Variants in NR3C1 observed in about 807,000 individuals in gnomAD.
NR3C1 encodes glucocorticoid receptor.
Under a neutral mutation model 74.0 loss-of-function variants are expected in NR3C1, and 14 were observed. The ratio of observed to expected loss-of-function variants is 0.19; its 90% CI spans 0.12 to 0.30. The LOEUF is 0.30. NR3C1 is among the 10% of genes least tolerant of loss of function. The pLI is 1.00. For synonymous variants in NR3C1, 308 were observed against 332.5 expected (o/e 0.93, Z 0.80); for missense variants, 695 against 909.8 (o/e 0.76, Z 3.04).
intron 2 of NR3C1, among the ~76,000 whole-genome samples, chr5:143,318,897 CT>C (rs1822745908): frequency 6.6e-6 from 1 of 152,102 alleles, no homozygotes; most frequent in South Asian, 2.1e-4. Flanking sequence ...AATTTTTTTG[CT>C]TCTTCAAAGA....
chr5:143,306,849 A>G (rs1408184161), intron 4 of NR3C1, among the ~76,000 whole-genome samples: 1 of 149,626 alleles, frequency 6.7e-6, no homozygotes, highest in Non-Finnish European at 1.5e-5. Context: ...ATTTTGAGAA[A>G]CTGCAGCCTA....
intron 2 of NR3C1, among the ~76,000 whole-genome samples, chr5:143,376,789 C>T (rs1330247613): frequency 6.6e-5 from 10 of 152,174 alleles, no homozygotes; most frequent in South Asian, 4.1e-4. Flanking sequence ...TTTCTTACTG[C>T]ATTCCAGGTG....
intron 2 of NR3C1, among the ~76,000 whole-genome samples, chr5:143,355,177 T>C (rs2963152): frequency 0.99 from 151,491 of 152,310 alleles, 75,347 homozygotes; most frequent in Middle Eastern, 1. Context: ...CAAGGTATGC[T>C]TATATCTAAA....
chr5:143,418,760 GAC>G (rs1751055026), intron 1 of NR3C1, among the ~76,000 whole-genome samples: 1 of 152,154 alleles, frequency 6.6e-6, no homozygotes, highest in African/African-American at 2.4e-5. Context: ...CTCCAGTGAT[GAC>G]ACAGATTATG....
chr5:143,390,614 A>G (rs900873946), intron 2 of NR3C1, among the ~76,000 whole-genome samples: 1 of 152,184 alleles, frequency 6.6e-6, no homozygotes, highest in Non-Finnish European at 1.5e-5. Context: ...CTGTTATCAT[A>G]AAGTTCCTTA....
chr5:143,369,961 AC>A (rs1461130772), intron 2 of NR3C1, among the ~76,000 whole-genome samples: 129 of 152,300 alleles, frequency 8.5e-4, no homozygotes, highest in African/African-American at 3.0e-3. Flanking sequence ...CTTGGAGTTC[AC>A]CTATTTTAAG....
At chr5:143,432,459 G>C (rs997835732) in intron 1 of NR3C1, among the ~76,000 whole-genome samples, 1 of 152,118 alleles carries the variant, frequency 6.6e-6, no homozygotes, top group African/African-American at 2.4e-5. Flanking sequence ...TTGGTCCATG[G>C]ATTCCTGCCA....
chr5:143,286,034 C>G (rs562351155), intron 7 of NR3C1, among the ~76,000 whole-genome samples: 26 of 147,388 alleles, frequency 1.8e-4, no homozygotes, highest in Non-Finnish European at 3.4e-4. Context: ...GGGAATAACA[C>G]TAGAGATACT....
rs140597809 is a variant in NR3C1, at chr5:143,322,315, A to C, written c.1185-8147T>G. Among the ~76,000 whole-genome samples, 156 of 152,304 alleles carry C rather than the reference A, an allele frequency of 1.0e-3. 3 individuals carry two copies. The East Asian group carries it at 0.022, about 22-fold the overall frequency. On this transcript the variant is annotated intron_variant, in intron 2 of 8. Transcript: ENST00000394464. ...TCAGTGTTCTTAAGCAATCTTCTTC[A>C]TTTTCCACTATGATAAAGTGTCAGA...
chr5:143,435,095 G>C, exon 1 of NR3C1: 1 of 985,390 alleles, frequency 1.0e-6, no homozygotes, highest in African/African-American at 1.7e-5. Context: ...CTGATGCTGG[G>C]AATTTTATCA....
At chr5:143,313,063 A>G (rs919874854) in intron 3 of NR3C1, among the ~76,000 whole-genome samples, 10 of 152,374 alleles carry the variant, frequency 6.6e-5, no homozygotes, top group African/African-American at 2.4e-4. Context: ...ACACAACATG[A>G]GACAAATAAT....
At chr5:143,337,452 C>A (rs1261054017) in intron 2 of NR3C1, among the ~76,000 whole-genome samples, 1 of 152,076 alleles carries the variant, frequency 6.6e-6, no homozygotes, top group East Asian at 1.9e-4. Context: ...TGTAGCAACT[C>A]CATCAATAGA....
intron 1 of NR3C1, chr5:143,402,548 G>A: frequency 1.0e-6 from 1 of 965,966 alleles, no homozygotes; most frequent in Non-Finnish European, 1.2e-6. Context: ...CCCTTGCGGG[G>A]CGGGGGTGGA....
intron 2 of NR3C1, among the ~76,000 whole-genome samples, chr5:143,378,451 A>C (rs928844036): frequency 6.6e-6 from 1 of 152,206 alleles, no homozygotes; most frequent in South Asian, 2.1e-4. Flanking sequence ...CTAAGAAAAG[A>C]AGCTTACATG....
At chr5:143,435,045 T>C (rs771953008) in exon 1 of NR3C1, 65 of 985,260 alleles carry the variant, frequency 6.6e-5, no homozygotes, top group Non-Finnish European at 6.6e-5. Context: ...TCAGCAGATA[T>C]TCCCCCAGGC....
intron 2 of NR3C1, among the ~76,000 whole-genome samples, chr5:143,391,756 G>A (rs1246570577): frequency 6.6e-6 from 1 of 152,022 alleles, no homozygotes; most frequent in African/African-American, 2.4e-5. Context: ...AAATACAGCA[G>A]TCTTTATGAA....
chr5:143,410,995 A>G (rs1841271517), intron 1 of NR3C1, among the ~76,000 whole-genome samples: 3 of 152,138 alleles, frequency 2.0e-5, no homozygotes, highest in Admixed American at 1.3e-4. Context: ...TAAACTCACA[A>G]TCAAATATTT....
rs1360029021 is a variant in NR3C1, at chr5:143,279,979, G to A, written c.*1910C>T. 1 of 152,758 alleles carries A rather than the reference G, an allele frequency of 6.5e-6. No homozygotes were observed. The highest frequency in any genetic ancestry group is 2.4e-5 in the African/African-American group (1 of 41,436). The allele number at this position is 152,758 out of a possible 1,614,324, so 9.5% of individuals were successfully genotyped here. A position where few individuals can be genotyped will look rare whatever the true frequency, so the allele number is the denominator to read the frequency against. On this transcript the variant is annotated 3_prime_UTR_variant, in exon 9 of 9. Coordinates refer to ENST00000394464, the MANE Select transcript of NR3C1 (RefSeq NM_000176.3). ...GACAGACTCACTGTTGGAATGAGAA[G>A]GGTGGTCAGAATGGGAGGCAGAGGA...
At chr5:143,379,034 G>C (rs1835722488) in intron 2 of NR3C1, among the ~76,000 whole-genome samples, 1 of 152,126 alleles carries the variant, frequency 6.6e-6, no homozygotes, top group African/African-American at 2.4e-5. Flanking sequence ...TTTTGGATTT[G>C]TATCTCTTAA....
Sources: gnomAD v4.1 joint callset for allele counts (sites outside exome capture counted in the v4.1 genomes callset) on GRCh38, gnomAD v4.1.1 for gene constraint, MANE v1.5 for transcripts, NCBI Gene and HGNC (gene_info 2026-07-23, HGNC 2026-07-21) for gene names.